Variants in MTA3 observed in about 807,000 individuals in gnomAD.
MTA3 encodes the protein metastasis-associated protein MTA3.
A neutral mutation model predicts 83.5 loss-of-function variants in MTA3; 34 were observed. That is an observed-to-expected ratio of 0.41 (90% confidence interval 0.31 to 0.54). The LOEUF is 0.54. MTA3 is among the 20% of genes least tolerant of loss of function. The probability of loss-of-function intolerance (pLI) is 0.33; values close to 1 mark genes in which losing one functional copy is unlikely to be tolerated. For synonymous variants in MTA3, 303 were observed against 252.7 expected (o/e 1.20, Z -1.89); for missense variants, 761 against 726.4 (o/e 1.05, Z -0.55).
chr2:42,610,187 G>A (rs993686066), intron 4 of MTA3, among the ~76,000 whole-genome samples: 2 of 152,208 alleles, frequency 1.3e-5, no homozygotes, highest in Non-Finnish European at 2.9e-5. Flanking sequence ...GTACAGAAGA[G>A]GGTCTAGCAG....
intron 4 of MTA3, among the ~76,000 whole-genome samples, chr2:42,634,197 AC>A (rs1223491879): frequency 6.6e-6 from 1 of 152,170 alleles, no homozygotes; most frequent in Admixed American, 6.5e-5. Flanking sequence ...GGTTGAGAAA[AC>A]CTGATATATA....
At chr2:42,646,881 G>A (rs1688241883) in intron 6 of MTA3, among the ~76,000 whole-genome samples, 3 of 152,186 alleles carry the variant, frequency 2.0e-5, no homozygotes, top group Admixed American at 2.0e-4. Context: ...TACTGGCTGA[G>A]CACGGTGGCA....
chr2:42,578,891 T>C (rs552146853), intron 2 of MTA3, among the ~76,000 whole-genome samples: 1 of 152,314 alleles, frequency 6.6e-6, no homozygotes, highest in African/African-American at 2.4e-5. Flanking sequence ...TTAATGCCAG[T>C]GTTATTATAT....
At chr2:42,715,555 A>G (rs1666970509) in intron 14 of MTA3, among the ~76,000 whole-genome samples, 1 of 151,940 alleles carries the variant, frequency 6.6e-6, no homozygotes, top group Admixed American at 6.6e-5. Context: ...TCTATAAAAT[A>G]TTATGAGGAT....
chr2:42,640,250 A>G lies in MTA3; in HGVS notation c.381+14A>G. The stretch of plus-strand genomic sequence containing the variant: ...CTTGATAAGGAGGTAATTCACAATC[A>G]TAGTTGTTTTGTTTTTTTCTCCCTT... On this transcript the variant is annotated intron_variant, in intron 5 of 16. Coordinates refer to ENST00000405094, the MANE Select transcript of MTA3 (RefSeq NM_001330442.2). The G allele has an allele frequency of 1.3e-6, 2 of 1,580,846 alleles. No homozygotes were observed. Among genetic ancestry groups the G allele is most frequent in the Non-Finnish European group, 1.7e-6 (2 of 1,163,718 alleles).
chr2:42,711,757 A>G (rs1192610037), intron 14 of MTA3, among the ~76,000 whole-genome samples: 1 of 106,242 alleles, frequency 9.4e-6, no homozygotes, highest in Non-Finnish European at 1.9e-5. Context: ...TCTGTGATCT[A>G]CTGGGAGTGT....
At chr2:42,713,738 G>A (rs1312552185) in intron 14 of MTA3, among the ~76,000 whole-genome samples, 7 of 152,030 alleles carry the variant, frequency 4.6e-5, no homozygotes, top group Admixed American at 2.0e-4. Flanking sequence ...TTAACATACC[G>A]TGCCACTGTA....
chr2:42,737,994 G>A (rs1255629818), intron 16 of MTA3, among the ~76,000 whole-genome samples: 1 of 152,182 alleles, frequency 6.6e-6, no homozygotes, highest in African/African-American at 2.4e-5. Flanking sequence ...GGGAGTGATG[G>A]CACATATCTG....
intron 16 of MTA3, among the ~76,000 whole-genome samples, chr2:42,752,471 G>C (rs568100856): frequency 1.9e-4 from 29 of 152,140 alleles, no homozygotes; most frequent in Middle Eastern, 3.4e-3. Flanking sequence ...ACACGGTGGT[G>C]ATGTGGTTTG....
chr2:42,677,847 G>T (rs1260272693), intron 8 of MTA3, among the ~76,000 whole-genome samples: 1 of 152,170 alleles, frequency 6.6e-6, no homozygotes, highest in Non-Finnish European at 1.5e-5. Context: ...TGTGAAAACA[G>T]ACTAATACAG....
At chr2:42,536,814 G>C (rs954448408) in intron 2 of MTA3, among the ~76,000 whole-genome samples, 2 of 133,934 alleles carry the variant, frequency 1.5e-5, no homozygotes, top group African/African-American at 5.8e-5. Flanking sequence ...AGCCAAGATT[G>C]TGCCACTGCA....
intron 3 of MTA3, among the ~76,000 whole-genome samples, chr2:42,588,430 C>G (rs1459048376): frequency 6.6e-6 from 1 of 152,102 alleles, no homozygotes. Flanking sequence ...GTTCTTTGTT[C>G]TTCTCAACTG....
chr2:42,666,799 C>CAT (rs1029168275), intron 8 of MTA3, among the ~76,000 whole-genome samples: 17 of 152,098 alleles, frequency 1.1e-4, no homozygotes, highest in South Asian at 2.1e-4. Flanking sequence ...TAGTGCCTGG[C>CAT]ATATATATAT....
chr2:42,716,394 A>G (rs1178058034), intron 14 of MTA3, among the ~76,000 whole-genome samples: 1 of 152,176 alleles, frequency 6.6e-6, no homozygotes, highest in Non-Finnish European at 1.5e-5. Flanking sequence ...AACTTGTGTC[A>G]AGGGGGTTTG....
At chr2:42,621,917 C>G (rs1393405748) in intron 4 of MTA3, among the ~76,000 whole-genome samples, 1 of 145,962 alleles carries the variant, frequency 6.9e-6, no homozygotes. Flanking sequence ...CCTCACTTCT[C>G]AGACTGGGCA....
At chr2:42,710,571 A>G (rs1288420137) in intron 14 of MTA3, among the ~76,000 whole-genome samples, 1 of 150,752 alleles carries the variant, frequency 6.6e-6, no homozygotes, top group African/African-American at 2.4e-5. Context: ...AAAAAAAAAA[A>G]AAAGAAAGTG....
intron 5 of MTA3, 72 bp from the exon 6 acceptor site, chr2:42,644,054 CA>C (rs1289620883): frequency 2.3e-5 from 20 of 879,840 alleles, no homozygotes; most frequent in Non-Finnish European, 3.3e-5. Flanking sequence ...TTCATTGTAG[CA>C]ACATTGATTT....
intron 2 of MTA3, among the ~76,000 whole-genome samples, chr2:42,527,424 G>C (rs1400910851): frequency 6.6e-6 from 1 of 152,094 alleles, no homozygotes; most frequent in Non-Finnish European, 1.5e-5. Flanking sequence ...GCATCTCTGA[G>C]GTTTGCAAAC....
intron 7 of MTA3, among the ~76,000 whole-genome samples, chr2:42,658,071 CAAAAAAAAAAAAAA>C (rs59628946): frequency 1.9e-5 from 1 of 51,916 alleles, no homozygotes; most frequent in Non-Finnish European, 3.3e-5. Flanking sequence ...GACTCTGTCT[CAAAAAAAAAAAAAA>C]AAAAAAAAAA....
Sources: gnomAD v4.1 joint callset for allele counts (sites outside exome capture counted in the v4.1 genomes callset) on GRCh38, gnomAD v4.1.1 for gene constraint, MANE v1.5 for transcripts, NCBI Gene and HGNC (gene_info 2026-07-23, HGNC 2026-07-21) for gene names.